PRKG1: variants seen among roughly 807,000 people sequenced by gnomAD.
PRKG1 encodes cGMP-dependent protein kinase 1.
In PRKG1, 35 loss-of-function variants were observed where a neutral mutation model predicts 88.1. The observed-to-expected ratio is 0.40, with a 90% confidence interval of 0.30 to 0.53. The LOEUF (loss-of-function observed/expected upper bound fraction) is 0.53, where lower values mean the gene tolerates loss of function less well. Among genes scored for constraint, PRKG1 ranks in the 20% least tolerant of loss-of-function variants. The pLI is 0.59. For synonymous variants in PRKG1, 303 were observed against 292.5 expected, an observed-to-expected ratio of 1.04 and a Z score of -0.37; for missense variants, 540 against 839.8, an observed-to-expected ratio of 0.64 and a Z score of 4.41.
intron 3 of PRKG1, among the ~76,000 whole-genome samples, chr10:51,686,186 A>G (rs1198244423): frequency 6.6e-6 from 1 of 151,974 alleles, no homozygotes; most frequent in Non-Finnish European, 1.5e-5. Flanking sequence ...GTCCATGTGT[A>G]GGTTTGTTAT....
At chr10:51,456,611 A>G (rs1182761551) in intron 2 of PRKG1, among the ~76,000 whole-genome samples, 2 of 152,176 alleles carry the variant, frequency 1.3e-5, no homozygotes, top group Non-Finnish European at 2.9e-5. Context: ...TAATAAACTA[A>G]AAAGCTTCTG....
At chr10:52,030,279 A>T (rs1038362556) in intron 5 of PRKG1, among the ~76,000 whole-genome samples, 13 of 152,266 alleles carry the variant, frequency 8.5e-5, no homozygotes, top group African/African-American at 2.6e-4. Flanking sequence ...GCTACCTTTC[A>T]TCTGGCTAGT....
At chr10:51,752,417 A>G (rs1837750636) in intron 3 of PRKG1, among the ~76,000 whole-genome samples, 1 of 152,182 alleles carries the variant, frequency 6.6e-6, no homozygotes, top group Non-Finnish European at 1.5e-5. Context: ...TATTCTACAC[A>G]TTTTGCTGAA....
intron 2 of PRKG1, among the ~76,000 whole-genome samples, chr10:51,397,804 G>A (rs376999790): frequency 1.1e-4 from 17 of 152,164 alleles, no homozygotes; most frequent in Middle Eastern, 3.4e-3. Context: ...GGGTTAAATG[G>A]CAGTGAGCCA....
chr10:51,194,833 A>C (rs2132046056), intron 2 of PRKG1, among the ~76,000 whole-genome samples: 1 of 152,274 alleles, frequency 6.6e-6, no homozygotes, highest in South Asian at 2.1e-4. Flanking sequence ...GAGCAAAGAA[A>C]GGATGGGAGA....
At chr10:51,910,149 T>C (rs1169279090) in intron 5 of PRKG1, 2 of 152,150 alleles carry the variant, frequency 1.3e-5, no homozygotes, top group Non-Finnish European at 2.9e-5. Context: ...TATTCAAGAT[T>C]ATTGCAATAG....
chr10:51,862,766 T>A (rs1448937827), intron 4 of PRKG1, among the ~76,000 whole-genome samples: 1 of 152,146 alleles, frequency 6.6e-6, no homozygotes, highest in East Asian at 1.9e-4. Context: ...CCTAGGAATT[T>A]GTCTGCCTCC....
chr10:51,562,282 G>C (rs532070788), intron 3 of PRKG1, among the ~76,000 whole-genome samples: 1 of 151,790 alleles, frequency 6.6e-6, no homozygotes, highest in Non-Finnish European at 1.5e-5. Flanking sequence ...TATGTCACAG[G>C]TTTTCATCTT....
chr10:51,220,818 G>A (rs1005336070), intron 2 of PRKG1, among the ~76,000 whole-genome samples: 21 of 152,042 alleles, frequency 1.4e-4, no homozygotes, highest in African/African-American at 5.1e-4. Flanking sequence ...AAATATATAA[G>A]CAATTTCAAT....
chr10:51,312,683 A>ATGTG (rs34906561), intron 2 of PRKG1, among the ~76,000 whole-genome samples: 11,055 of 150,848 alleles, frequency 0.073, 495 homozygotes, highest in African/African-American at 0.11. Flanking sequence ...AGATGGATAT[A>ATGTG]TGTGTGTGTG....
intron 3 of PRKG1, among the ~76,000 whole-genome samples, chr10:51,743,926 C>G (rs1380381860): frequency 6.6e-6 from 1 of 150,818 alleles, no homozygotes; most frequent in Non-Finnish European, 1.5e-5. Flanking sequence ...TCCCCTTGTT[C>G]TTTTGATTGG....
intron 4 of PRKG1, among the ~76,000 whole-genome samples, chr10:51,831,789 T>C (rs1156803628): frequency 1.3e-5 from 2 of 152,130 alleles, no homozygotes; most frequent in Non-Finnish European, 2.9e-5. Context: ...GCTTCTTCCA[T>C]ATACATTGAA....
chr10:51,723,414 T>C (rs551520098), intron 3 of PRKG1, among the ~76,000 whole-genome samples: 25 of 152,124 alleles, frequency 1.6e-4, no homozygotes, highest in African/African-American at 4.6e-4. Flanking sequence ...TAAGTGGGAA[T>C]TGAACAACAA....
chr10:52,155,917 G>A (rs1165290449), intron 8 of PRKG1, among the ~76,000 whole-genome samples: 1 of 152,000 alleles, frequency 6.6e-6, no homozygotes, highest in Non-Finnish European at 1.5e-5. Flanking sequence ...AAAAGTGACA[G>A]TAAGTAAAAG....
intron 2 of PRKG1, among the ~76,000 whole-genome samples, chr10:51,355,344 G>T (rs920048214): frequency 1.3e-5 from 2 of 151,790 alleles, no homozygotes; most frequent in African/African-American, 4.8e-5. Flanking sequence ...ATTTTTAAAG[G>T]ATGATTTTTC....
chr10:51,846,782 T>C (rs1840409800), intron 4 of PRKG1, among the ~76,000 whole-genome samples: 1 of 152,170 alleles, frequency 6.6e-6, no homozygotes, highest in African/African-American at 2.4e-5. Flanking sequence ...AAGTTTAAAC[T>C]GAATCATTTT....
In PRKG1 at chr10:51,262,286, A is replaced by T. The variant is rs576078721; in HGVS notation, c.478+108956A>T. On this transcript the variant is annotated intron_variant, in intron 2 of 17. Coordinates refer to ENST00000373980, the MANE Select transcript of PRKG1 (RefSeq NM_006258.4). ...TATGCTATGGACTAATTAAATTTTTAAAAATAATGCATAGACTGATAAAAC... is the reference window on the plus strand; with the variant it reads ...TATGCTATGGACTAATTAAATTTTTTAAAATAATGCATAGACTGATAAAAC... Among the ~76,000 whole-genome samples, 36 of 152,326 alleles carry T rather than the reference A, an allele frequency of 2.4e-4. 2 individuals are homozygous for T. The South Asian group carries it at 2.9e-3, about 12-fold the overall frequency.
intron 5 of PRKG1, among the ~76,000 whole-genome samples, chr10:51,961,985 C>A (rs1843458783): frequency 1.3e-5 from 2 of 152,138 alleles, no homozygotes; most frequent in African/African-American, 4.8e-5. Context: ...CATCGGACAT[C>A]ATGCCCTTTT....
At chr10:51,373,361 T>G (rs1842742299) in intron 2 of PRKG1, among the ~76,000 whole-genome samples, 1 of 152,202 alleles carries the variant, frequency 6.6e-6, no homozygotes, top group Admixed American at 6.5e-5. Flanking sequence ...CAGCCAGGGA[T>G]AGAGTCTCAC....
Sources: allele counts gnomAD v4.1 joint callset (sites outside exome capture counted in the v4.1 genomes callset), GRCh38; gene constraint gnomAD v4.1.1; transcripts MANE v1.5; gene names NCBI Gene and HGNC (gene_info 2026-07-23, HGNC 2026-07-21).